The following TTC28 variants were observed in gnomAD, a reference collection of about 807,000 sequenced individuals.
TTC28 encodes tetratricopeptide repeat domain 28.
A neutral mutation model predicts 198.0 loss-of-function variants in TTC28; 61 were observed. The ratio of observed to expected loss-of-function variants is 0.31; its 90% CI spans 0.25 to 0.38. The LOEUF is 0.38. Among genes scored for constraint, TTC28 ranks in the 10% least tolerant of loss-of-function variants. The probability of loss-of-function intolerance (pLI) is 1.00; values close to 1 mark genes in which losing one functional copy is unlikely to be tolerated. For missense variants in TTC28, 2,678 were observed against 3,164.0 expected, an observed-to-expected ratio of 0.85 and a Z score of 3.69; for synonymous variants, 1,171 against 1,297.8, an observed-to-expected ratio of 0.90 and a Z score of 2.10.
At chr22:28,265,263 C>T (rs75886489) in intron 5 of TTC28, among the ~76,000 whole-genome samples, 2,837 of 152,210 alleles carry the variant, frequency 0.019, 29 homozygotes, top group Non-Finnish European at 0.026. Context: ...TGTGGGGTCA[C>T]GCACACCATG....
At chr22:28,142,047 A>G (rs1943348074) in intron 6 of TTC28, among the ~76,000 whole-genome samples, 1 of 152,264 alleles carries the variant, frequency 6.6e-6, no homozygotes, top group African/African-American at 2.4e-5. Flanking sequence ...CAAGAAAAAG[A>G]AACAGATTAT....
intron 1 of TTC28, among the ~76,000 whole-genome samples, chr22:28,630,806 A>G (rs1180640187): frequency 3.3e-5 from 5 of 152,218 alleles, no homozygotes. Flanking sequence ...AGTTACATAC[A>G]TGTATATTTG....
chr22:28,267,860 T>C (rs1287421232), intron 5 of TTC28, among the ~76,000 whole-genome samples: 2 of 152,216 alleles, frequency 1.3e-5, no homozygotes, highest in Non-Finnish European at 1.5e-5. Context: ...ATGATTCATA[T>C]GTCACATTCC....
intron 2 of TTC28, among the ~76,000 whole-genome samples, chr22:28,472,548 GTGTA>G (rs59436478): frequency 0.096 from 9,047 of 94,468 alleles, 318 homozygotes; most frequent in East Asian, 0.2. Context: ...AAAAGAAAAT[GTGTA>G]TGTGTGTGTG....
intron 2 of TTC28, among the ~76,000 whole-genome samples, chr22:28,467,216 T>A (rs1392669656): frequency 6.6e-6 from 1 of 152,166 alleles, no homozygotes; most frequent in African/African-American, 2.4e-5. Flanking sequence ...AGCCCAGGAA[T>A]TTGAGCCCAG....
chr22:28,380,625 A>C (rs897140558), intron 2 of TTC28, among the ~76,000 whole-genome samples: 1 of 152,172 alleles, frequency 6.6e-6, no homozygotes, highest in South Asian at 2.1e-4. Context: ...AGAAAAAAGC[A>C]TGTTTTTTCT....
intron 14 of TTC28, among the ~76,000 whole-genome samples, chr22:28,011,319 G>T (rs1938151532): frequency 6.6e-6 from 1 of 152,084 alleles, no homozygotes. Context: ...ATTTTCGCTG[G>T]GCATGGTGGT....
At chr22:28,069,704 T>C (rs1940888480) in intron 12 of TTC28, among the ~76,000 whole-genome samples, 1 of 152,140 alleles carries the variant, frequency 6.6e-6, no homozygotes, top group African/African-American at 2.4e-5. Context: ...AAGTAGCTTT[T>C]TTTCTCCTTG....
chr22:28,504,785 A>G (rs2048584464), intron 2 of TTC28, among the ~76,000 whole-genome samples: 1 of 152,064 alleles, frequency 6.6e-6, no homozygotes, highest in Non-Finnish European at 1.5e-5. Flanking sequence ...AATGTCAGTA[A>G]TTTGCTTAAA....
intron 2 of TTC28, among the ~76,000 whole-genome samples, chr22:28,456,160 G>GA (rs777082418): frequency 0.13 from 13,576 of 106,208 alleles, 761 homozygotes; most frequent in Middle Eastern, 0.25. Context: ...CTCTGTCTCA[G>GA]AAAAAAAAAA....
intron 5 of TTC28, among the ~76,000 whole-genome samples, chr22:28,191,807 G>T (rs1045485283): frequency 3.9e-5 from 6 of 152,186 alleles, no homozygotes; most frequent in Non-Finnish European, 8.8e-5. Context: ...CGAACTGGGT[G>T]GAGCCCACTG....
In TTC28 at chr22:28,422,431, A is replaced by T. The variant is rs191617432; in HGVS notation, c.382-115788T>A. On this transcript the variant is annotated intron_variant, in intron 2 of 22. Coordinates refer to ENST00000397906, the MANE Select transcript of TTC28 (RefSeq NM_001145418.2). ...AGTCTTCACGTCTTGCTATTTAATA[A>T]CATTAAATAATTTTTTTTTTTTTTT... Among the ~76,000 whole-genome samples the T allele has an allele frequency of 2.0e-5, 3 of 152,042 alleles. 1 individual carries two copies. In the South Asian group the frequency reaches 6.2e-4, roughly 32 times the overall value.
rs759889978 is a variant in TTC28, at chr22:28,105,700, C to A, written c.2886G>T (p.Glu962Asp). 3 of 1,551,742 alleles carry A rather than the reference C, an allele frequency of 1.9e-6. No individual in the cohort carries two copies. In the African/African-American group the frequency reaches 4.1e-5, roughly 21 times the overall value. The part of the protein sequence containing the change: ...EAFNKAQAYG[E>D]LGSLHSQLGN... ...CTAATTGGCTGTGCAGACTTCCCAG[C>A]TCTCCATAGGCCTGGGCTTTATTGA... Residue 962 changes from glutamate to aspartate, a missense_variant, in exon 8 of 23, where the codon GAG (glutamate) becomes GAT (aspartate). Transcript: ENST00000397906.
At chr22:28,077,526 CAT>C (rs1474408187) in intron 12 of TTC28, among the ~76,000 whole-genome samples, 2 of 152,206 alleles carry the variant, frequency 1.3e-5, no homozygotes, top group African/African-American at 4.8e-5. Context: ...TTCGACCAGT[CAT>C]TTAAAAGATA....
Position 28,097,140 on chromosome 22 carries a change from T to C in TTC28, c.3548-732A>G, listed in dbSNP as rs911595316. On this transcript the variant is annotated intron_variant, in intron 10 of 22. Transcript: ENST00000397906. ...CTATGCATAACATTGTCCAGCCTTA[T>C]GCATTTCTCTCCAAATTATACCTCC... Among the ~76,000 whole-genome samples, 21 of 152,200 alleles carry C rather than the reference T, an allele frequency of 1.4e-4. 1 individual carries two copies. The highest frequency in any genetic ancestry group is 2.9e-5 in the Non-Finnish European group (2 of 68,040).
chr22:28,599,355 T>G (rs2050600180), intron 2 of TTC28, among the ~76,000 whole-genome samples: 2 of 152,264 alleles, frequency 1.3e-5, no homozygotes, highest in South Asian at 4.1e-4. Context: ...AATAAACTTT[T>G]TAATCCCTCC....
chr22:28,347,643 G>A (rs1221527672), intron 2 of TTC28, among the ~76,000 whole-genome samples: 2 of 152,134 alleles, frequency 1.3e-5, no homozygotes, highest in Non-Finnish European at 2.9e-5. Context: ...AGGCTGAGGC[G>A]GGTGGATCAC....
At chr22:28,076,271 A>G (rs1354244440) in intron 12 of TTC28, among the ~76,000 whole-genome samples, 1 of 152,214 alleles carries the variant, frequency 6.6e-6, no homozygotes, top group Admixed American at 6.5e-5. Flanking sequence ...GACCCACTGT[A>G]CATTGAATGA....
intron 2 of TTC28, among the ~76,000 whole-genome samples, chr22:28,522,092 G>A (rs1458434467): frequency 6.6e-6 from 1 of 152,136 alleles, no homozygotes; most frequent in Non-Finnish European, 1.5e-5. Context: ...AGAATAATAT[G>A]ACAGACAACT....
Sources: allele counts gnomAD v4.1 joint callset (sites outside exome capture counted in the v4.1 genomes callset), GRCh38; gene constraint gnomAD v4.1.1; transcripts MANE v1.5; gene names NCBI Gene and HGNC (gene_info 2026-07-23, HGNC 2026-07-21).